Variants in ULK4 observed in about 807,000 individuals in gnomAD.
The protein encoded by ULK4 is inactive serine/threonine-protein kinase ULK4.
A neutral mutation model predicts 160.6 loss-of-function variants in ULK4; 133 were observed. The ratio of observed to expected loss-of-function variants is 0.83; its 90% confidence interval spans 0.72 to 0.96. The LOEUF (loss-of-function observed/expected upper bound fraction) is 0.96, where lower values mean the gene tolerates loss of function less well. Ranked by LOEUF, ULK4 falls within the 40% of genes least tolerant of loss-of-function variation. The pLI, the probability that ULK4 is intolerant of heterozygous loss-of-function variation, is 0.00. For synonymous variants in ULK4, 534 were observed against 539.8 expected (o/e 0.99, Z 0.15); for missense variants, 1,580 against 1,499.5 (o/e 1.05, Z -0.89).
chr3:41,800,020 G>T, intron 20 of ULK4, 112 bp downstream of exon 20: 2 of 1,083,354 alleles, frequency 1.8e-6, no homozygotes, highest in South Asian at 2.5e-5. Context: ...ATATTACTCT[G>T]AGATTTCAGT....
chr3:41,491,222 CTAAAT>C (rs1458789003), intron 32 of ULK4, among the ~76,000 whole-genome samples: 1 of 152,026 alleles, frequency 6.6e-6, no homozygotes, highest in Non-Finnish European at 1.5e-5. Context: ...TCAATTCTTC[CTAAAT>C]TAATCTATTA....
At chr3:41,479,933 C>A (rs1188885458) in intron 32 of ULK4, among the ~76,000 whole-genome samples, 1 of 152,058 alleles carries the variant, frequency 6.6e-6, no homozygotes, top group Non-Finnish European at 1.5e-5. Context: ...ACAGACCAGG[C>A]ATGGTGGCTC....
At chr3:41,551,412 C>CTG (rs1559386751) in intron 32 of ULK4, among the ~76,000 whole-genome samples, 3 of 145,048 alleles carry the variant, frequency 2.1e-5, no homozygotes, top group Admixed American at 1.3e-4. Flanking sequence ...GAAGAAGATC[C>CTG]AAATAAAATC....
chr3:41,591,051 T>C (rs757352884), intron 31 of ULK4, among the ~76,000 whole-genome samples: 12 of 151,860 alleles, frequency 7.9e-5, no homozygotes, highest in Admixed American at 3.9e-4. Context: ...AGACTAATCA[T>C]AATCAGATTG....
At chr3:41,729,274 G>A (rs1431931993) in intron 22 of ULK4, among the ~76,000 whole-genome samples, 1 of 152,198 alleles carries the variant, frequency 6.6e-6, no homozygotes, top group African/African-American at 2.4e-5. Context: ...GCCCCCAGTA[G>A]CTCCCACGAA....
chr3:41,485,722 G>A (rs2084503177), intron 32 of ULK4, among the ~76,000 whole-genome samples: 1 of 152,268 alleles, frequency 6.6e-6, no homozygotes, highest in Admixed American at 6.5e-5. Context: ...TCAGCAGGGA[G>A]CGCATTTCAT....
chr3:41,758,806 G>A (rs1415011889), intron 21 of ULK4, among the ~76,000 whole-genome samples: 2 of 151,732 alleles, frequency 1.3e-5, no homozygotes, highest in Admixed American at 6.6e-5. Context: ...CCGGGAGGCG[G>A]AGCTTGCAGT....
chr3:41,525,663 G>C (rs2086089974), intron 32 of ULK4, among the ~76,000 whole-genome samples: 1 of 152,192 alleles, frequency 6.6e-6, no homozygotes, highest in Admixed American at 6.5e-5. Flanking sequence ...CCCTGTCCTT[G>C]ATGGCTAATA....
intron 31 of ULK4, among the ~76,000 whole-genome samples, chr3:41,567,510 C>T (rs1378199640): frequency 3.7e-5 from 5 of 134,938 alleles, no homozygotes; most frequent in East Asian, 4.4e-4. Flanking sequence ...TGCAGTGGTG[C>T]GATCTCGGCT....
At chr3:41,577,548 T>C (rs1046300764) in intron 31 of ULK4, among the ~76,000 whole-genome samples, 2 of 152,166 alleles carry the variant, frequency 1.3e-5, no homozygotes, top group Non-Finnish European at 2.9e-5. Context: ...TGTTGTGTTA[T>C]CAAATACTAG....
rs1559631668 is a variant in ULK4, at chr3:41,890,723, CGGG to C, written c.1577+4792_1577+4794del. 3.0e-4 allele frequency among the ~76,000 whole-genome samples: 21 copies of C among 69,242 alleles called. No individual in the cohort carries two copies. In the East Asian group the frequency reaches 8.6e-3, roughly 28 times the overall value. The allele number at this position is 69,242 out of a possible 152,430, so 45.4% of individuals were successfully genotyped here. A position where few individuals can be genotyped will look rare whatever the true frequency, so the allele number is the denominator to read the frequency against. ...GAAGGGAAGGAAGGGACAGGAGGGA[CGGG>C]AGGGAAGGAAGGGACAGGAGGGACG... On this transcript the variant is annotated intron_variant, in intron 16 of 36. Coordinates refer to ENST00000301831, the MANE Select transcript of ULK4 (RefSeq NM_017886.4).
intron 35 of ULK4, among the ~76,000 whole-genome samples, chr3:41,271,875 C>T (rs1212459696): frequency 6.6e-6 from 1 of 152,006 alleles, no homozygotes; most frequent in African/African-American, 2.4e-5. Context: ...ATTTCTGATG[C>T]TTCTCATTCC....
chr3:41,612,970 A>G lies in ULK4; in HGVS notation c.3120+2699T>C, dbSNP rs2125679235. Among the ~76,000 whole-genome samples the G allele has an allele frequency of 2.6e-5, 4 of 152,352 alleles. No homozygotes were observed. The South Asian group carries it at 8.3e-4, about 32-fold the overall frequency. The stretch of plus-strand genomic sequence containing the variant: ...TGGGCTAAAAGTAAAGAAAAAAGTC[A>G]TCAGGAGGTCACAGTAGACTACCAG... On this transcript the variant is annotated intron_variant, in intron 31 of 36. Transcript: ENST00000301831.
intron 35 of ULK4, among the ~76,000 whole-genome samples, chr3:41,325,075 C>G (rs920834115): frequency 6.6e-6 from 1 of 152,042 alleles, no homozygotes; most frequent in African/African-American, 2.4e-5. Context: ...TGAGAATGTC[C>G]CTGATTTCTT....
At chr3:41,803,262 T>C (rs555169344) in intron 19 of ULK4, among the ~76,000 whole-genome samples, 72 of 150,172 alleles carry the variant, frequency 4.8e-4, no homozygotes, top group African/African-American at 1.8e-3. Flanking sequence ...CTTGGACATT[T>C]ATACAACACT....
At chr3:41,896,757 A>C in intron 15 of ULK4, 65 bp downstream of exon 15, 1 of 1,476,852 alleles carries the variant, frequency 6.8e-7, no homozygotes, top group Non-Finnish European at 9.0e-7. Flanking sequence ...TTGTTATTTT[A>C]GCACTTGTTT....
At chr3:41,713,572 T>C (rs1029308638) in intron 25 of ULK4, among the ~76,000 whole-genome samples, 3 of 152,176 alleles carry the variant, frequency 2.0e-5, no homozygotes, top group Admixed American at 6.5e-5. Context: ...AGACTTTCAT[T>C]TTATTTCCCT....
intron 32 of ULK4, among the ~76,000 whole-genome samples, chr3:41,499,658 AAT>A (rs1321175867): frequency 6.6e-5 from 10 of 152,224 alleles, no homozygotes; most frequent in African/African-American, 2.4e-4. Flanking sequence ...AATTTGAATT[AAT>A]ATATCAATTA....
At chr3:41,437,851 A>C (rs993875398) in intron 34 of ULK4, among the ~76,000 whole-genome samples, 6 of 152,150 alleles carry the variant, frequency 3.9e-5, no homozygotes, top group African/African-American at 1.4e-4. Context: ...TATAAGGGAG[A>C]GATTCTGTTT....
Sources: gnomAD v4.1 joint callset for allele counts (sites outside exome capture counted in the v4.1 genomes callset) on GRCh38, gnomAD v4.1.1 for gene constraint, MANE v1.5 for transcripts, NCBI Gene and HGNC (gene_info 2026-07-23, HGNC 2026-07-21) for gene names.